DLGAP1: variants seen among roughly 807,000 people sequenced by gnomAD.
The protein encoded by DLGAP1 is disks large-associated protein 1.
Under a neutral mutation model 90.8 loss-of-function variants are expected in DLGAP1, and 11 were observed. The ratio of observed to expected loss-of-function variants is 0.12; its 90% CI spans 0.08 to 0.20. The LOEUF is 0.20. Among genes scored for constraint, DLGAP1 ranks in the 10% least tolerant of loss-of-function variants. DLGAP1 has a pLI of 1.00. For synonymous variants in DLGAP1, 558 were observed against 540.7 expected (o/e 1.03, Z -0.44); for missense variants, 1,050 against 1,333.8 (o/e 0.79, Z 3.31).
chr18:4,234,486 T>C (rs534696), intron 1 of DLGAP1, among the ~76,000 whole-genome samples: 151 of 152,324 alleles, frequency 9.9e-4, no homozygotes, highest in African/African-American at 3.5e-3. Context: ...CAATTTAATT[T>C]CAAATGTATA....
At chr18:4,395,891 G>A (rs939128311) in intron 1 of DLGAP1, among the ~76,000 whole-genome samples, 6 of 152,058 alleles carry the variant, frequency 3.9e-5, no homozygotes, top group African/African-American at 1.5e-4. Flanking sequence ...CCACGATAAA[G>A]ACAAATTCAA....
intron 10 of DLGAP1, among the ~76,000 whole-genome samples, chr18:3,528,152 C>T (rs987900923): frequency 1.3e-5 from 2 of 152,086 alleles, no homozygotes; most frequent in African/African-American, 4.8e-5. Context: ...TGTCAGGCAC[C>T]CTGAAGAGAG....
intron 2 of DLGAP1, among the ~76,000 whole-genome samples, chr18:4,101,922 G>A (rs76304981): frequency 0.02 from 3,097 of 151,784 alleles, 85 homozygotes; most frequent in African/African-American, 0.06. Context: ...ATGCATATAT[G>A]TATGCATTTA....
chr18:4,177,630 C>T (rs571627658), intron 1 of DLGAP1, among the ~76,000 whole-genome samples: 2 of 152,262 alleles, frequency 1.3e-5, no homozygotes, highest in African/African-American at 2.4e-5. Context: ...CATCCACCCT[C>T]ATGTAGGCCC....
chr18:4,184,172 C>G (rs2077252425), intron 1 of DLGAP1, among the ~76,000 whole-genome samples: 1 of 152,252 alleles, frequency 6.6e-6, no homozygotes, highest in Middle Eastern at 3.4e-3. Context: ...AAAGGCTTAG[C>G]CACTTTTGCA....
intron 3 of DLGAP1, among the ~76,000 whole-genome samples, chr18:3,930,584 C>A (rs559075831): frequency 1.3e-5 from 2 of 152,086 alleles, no homozygotes; most frequent in African/African-American, 4.8e-5. Context: ...CAGTCGCTAC[C>A]CTGGACGCCA....
At chr18:4,129,230 C>T (rs186363432) in intron 2 of DLGAP1, among the ~76,000 whole-genome samples, 130 of 151,804 alleles carry the variant, frequency 8.6e-4, no homozygotes, top group African/African-American at 3.0e-3. Flanking sequence ...GAAAAACTAA[C>T]GTAATGATAT....
At chr18:3,533,405 A>G (rs1469718009) in intron 10 of DLGAP1, among the ~76,000 whole-genome samples, 5 of 152,212 alleles carry the variant, frequency 3.3e-5, no homozygotes, top group African/African-American at 1.2e-4. Context: ...AAATCCTAAG[A>G]GAAAGTGCCT....
intron 3 of DLGAP1, among the ~76,000 whole-genome samples, chr18:3,982,707 G>A (rs758958817): frequency 6.6e-6 from 1 of 152,084 alleles, no homozygotes; most frequent in African/African-American, 2.4e-5. Context: ...CAGCTGGTTT[G>A]GAAGCTCAGT....
intron 5 of DLGAP1, among the ~76,000 whole-genome samples, chr18:3,803,247 T>C (rs2066398745): frequency 1.3e-5 from 2 of 152,160 alleles, no homozygotes; most frequent in South Asian, 4.1e-4. Flanking sequence ...AGCCTCAGGC[T>C]AGATGAGCAC....
intron 2 of DLGAP1, among the ~76,000 whole-genome samples, chr18:4,146,007 C>T (rs144041155): frequency 2.6e-4 from 39 of 152,258 alleles, no homozygotes; most frequent in Middle Eastern, 3.4e-3. Flanking sequence ...TTCCACTAGC[C>T]TTTCAGTCTC....
intron 1 of DLGAP1, among the ~76,000 whole-genome samples, chr18:4,365,257 GA>G (rs1414206463): frequency 6.6e-6 from 1 of 152,110 alleles, no homozygotes; most frequent in African/African-American, 2.4e-5. Flanking sequence ...AGAAGAATCT[GA>G]AAACAGTACC....
At chr18:3,552,607 T>G (rs11081056) in intron 9 of DLGAP1, among the ~76,000 whole-genome samples, 1 of 152,050 alleles carries the variant, frequency 6.6e-6, no homozygotes, top group Non-Finnish European at 1.5e-5. Context: ...CAACACTGTT[T>G]GTATATCTTC....
chr18:4,218,792 T>A (rs182504259), intron 1 of DLGAP1, among the ~76,000 whole-genome samples: 80 of 150,216 alleles, frequency 5.3e-4, no homozygotes, highest in African/African-American at 1.8e-3. Flanking sequence ...TGTGTGTATA[T>A]ACTTAAGTGA....
chr18:3,578,494 C>T (rs1791138), intron 8 of DLGAP1, among the ~76,000 whole-genome samples: 6 of 151,464 alleles, frequency 4.0e-5, no homozygotes, highest in Admixed American at 3.3e-4. Context: ...GCAGCTGGGA[C>T]TACAGGCGTG....
In DLGAP1 at chr18:4,172,603, T is replaced by C. The variant is rs116050317; in HGVS notation, c.-266-21316A>G. On this transcript the variant is annotated intron_variant, in intron 1 of 12. Transcript: ENST00000315677. Reference sequence around the variant, plus strand: ...CCCATCAAATTAAAATAAAATAGAATGATTCAACATAGAAAAATGTCAACT... The same window carrying C: ...CCCATCAAATTAAAATAAAATAGAACGATTCAACATAGAAAAATGTCAACT... Among the ~76,000 whole-genome samples, 1,051 of 152,286 alleles carry C rather than the reference T, an allele frequency of 6.9e-3. 9 individuals carry two copies. The highest frequency in any genetic ancestry group is 0.025 in the African/African-American group (1,019 of 41,544).
chr18:4,059,208 G>C (rs1036303232), intron 2 of DLGAP1, among the ~76,000 whole-genome samples: 3 of 152,326 alleles, frequency 2.0e-5, no homozygotes, highest in Admixed American at 1.3e-4. Flanking sequence ...GAATCCTAAA[G>C]ATGAATGGGG....
Position 3,956,636 on chromosome 18 carries a change from C to T in DLGAP1, c.-73+48480G>A, listed in dbSNP as rs1043814650. ...GTGCTGGGATTATAGAAGTGAACCACCACGCCCGGCCTATTTTTCCTTTTC... is the reference window on the plus strand; with the variant it reads ...GTGCTGGGATTATAGAAGTGAACCATCACGCCCGGCCTATTTTTCCTTTTC... On this transcript the variant is annotated intron_variant, in intron 3 of 12. Transcript: ENST00000315677. 1.2e-4 allele frequency among the ~76,000 whole-genome samples: 19 copies of T among 152,068 alleles called. 1 individual carries two copies. Among genetic ancestry groups the T allele is most frequent in the Non-Finnish European group, 2.2e-4 (15 of 67,998 alleles).
At chr18:4,395,884 C>T (rs1016945063) in intron 1 of DLGAP1, among the ~76,000 whole-genome samples, 5 of 152,076 alleles carry the variant, frequency 3.3e-5, no homozygotes, top group Non-Finnish European at 2.9e-5. Flanking sequence ...CTAAACCCCA[C>T]GATAAAGACA....
Sources: gnomAD v4.1 joint callset for allele counts (sites outside exome capture counted in the v4.1 genomes callset) on GRCh38, gnomAD v4.1.1 for gene constraint, MANE v1.5 for transcripts, NCBI Gene and HGNC (gene_info 2026-07-23, HGNC 2026-07-21) for gene names.